The following PDXDC1 variants were observed in gnomAD, a reference collection of about 807,000 sequenced individuals.
PDXDC1 encodes pyridoxal dependent decarboxylase domain containing 1.
Under a neutral mutation model 100.1 loss-of-function variants are expected in PDXDC1, and 42 were observed. That is an observed-to-expected ratio of 0.42 (90% CI 0.33 to 0.54). PDXDC1 has a LOEUF of 0.54. Ranked by LOEUF, PDXDC1 falls within the 20% of genes least tolerant of loss-of-function variation. The probability of loss-of-function intolerance (pLI) is 0.10; values close to 1 mark genes in which losing one functional copy is unlikely to be tolerated. For missense variants in PDXDC1, 636 were observed against 979.2 expected, an observed-to-expected ratio of 0.65 and a Z score of 4.68; for synonymous variants, 260 against 371.7, an observed-to-expected ratio of 0.70 and a Z score of 3.46.
intron 1 of PDXDC1, among the ~76,000 whole-genome samples, chr16:14,987,930 A>T (rs2151227703): frequency 6.6e-6 from 1 of 151,942 alleles, no homozygotes; most frequent in African/African-American, 2.4e-5. Context: ...TTTTCTGCCA[A>T]CATTATCAAA....
chr16:15,101,983 G>C (rs997108356), intron 16 of PDXDC1, among the ~76,000 whole-genome samples: 9 of 152,090 alleles, frequency 5.9e-5, no homozygotes, highest in African/African-American at 1.9e-4. Context: ...CGAGTAGCTG[G>C]GATTACAGGT....
chr16:15,014,227 A>G (rs2041605678), intron 8 of PDXDC1, among the ~76,000 whole-genome samples: 1 of 150,650 alleles, frequency 6.6e-6, no homozygotes. Context: ...AAAAAAGACA[A>G]AATAGAAAAA....
At chr16:15,015,877 T>C in intron 8 of PDXDC1, 13 of 877,140 alleles carry the variant, frequency 1.5e-5, no homozygotes, top group South Asian at 2.1e-5. Flanking sequence ...ATCAAGTAGA[T>C]AGAAAATAAG....
chr16:14,977,358 C>T (rs1368543212), intron 1 of PDXDC1, among the ~76,000 whole-genome samples: 1 of 145,818 alleles, frequency 6.9e-6, no homozygotes, highest in Non-Finnish European at 1.5e-5. Context: ...CGGATCCCTG[C>T]AACCTCCGCC....
intron 2 of PDXDC1, 79 bp from the exon 3 acceptor site, chr16:14,998,261 T>G: frequency 1.4e-6 from 2 of 1,433,174 alleles, no homozygotes; most frequent in Non-Finnish European, 1.9e-6. Flanking sequence ...ATAGGCAACA[T>G]GGTCATGTTT....
intron 1 of PDXDC1, among the ~76,000 whole-genome samples, chr16:14,975,846 C>T (rs1385675701): frequency 6.6e-6 from 1 of 152,296 alleles, no homozygotes; most frequent in African/African-American, 2.4e-5. Context: ...GATGCTGAGC[C>T]TGCGATCACC....
intron 16 of PDXDC1, among the ~76,000 whole-genome samples, chr16:15,030,925 A>C (rs1256872323): frequency 1.3e-5 from 2 of 151,830 alleles, no homozygotes; most frequent in East Asian, 3.9e-4. Context: ...CAGAGATTCT[A>C]GAATGGAGCC....
At chr16:15,067,071 C>T (rs2045011433) in intron 16 of PDXDC1, among the ~76,000 whole-genome samples, 1 of 142,670 alleles carries the variant, frequency 7.0e-6, no homozygotes, top group Non-Finnish European at 1.6e-5. Flanking sequence ...CACCCACTCA[C>T]TGCCGTTGCT....
At chr16:15,096,860 G>C (rs1290946515) in intron 16 of PDXDC1, among the ~76,000 whole-genome samples, 1 of 152,054 alleles carries the variant, frequency 6.6e-6, no homozygotes, top group East Asian at 1.9e-4. Context: ...GTAAATACGA[G>C]GTCTCACTTT....
At chr16:15,007,157 CTTTTTTTTTTTTTTTTTTTTT>C (rs56256230) in intron 6 of PDXDC1, among the ~76,000 whole-genome samples, 3 of 73,918 alleles carry the variant, frequency 4.1e-5, no homozygotes, top group African/African-American at 1.1e-4. Context: ...AAGAGCATGA[CTTTTTTTTTTTTTTTTTTTTT>C]TTTTTTTTTT....
At chr16:15,074,591 T>A in intron 16 of PDXDC1, 1 of 580,288 alleles carries the variant, frequency 1.7e-6, no homozygotes, top group East Asian at 3.3e-5. Context: ...CCTCTTTAAA[T>A]CATCTTAAAC....
At chr16:15,079,166 G>A (rs2045592707) in intron 16 of PDXDC1, among the ~76,000 whole-genome samples, 1 of 81,682 alleles carries the variant, frequency 1.2e-5, no homozygotes, top group Non-Finnish European at 3.5e-5. Context: ...ATTCCACAGG[G>A]AGCAAAGTTG....
intron 16 of PDXDC1, among the ~76,000 whole-genome samples, chr16:15,089,258 T>C (rs1322916065): frequency 6.6e-6 from 1 of 151,882 alleles, no homozygotes; most frequent in Non-Finnish European, 1.5e-5. Flanking sequence ...CCCACTACAC[T>C]ACAGCCTAGG....
chr16:14,987,584 G>A (rs552305634), intron 1 of PDXDC1, among the ~76,000 whole-genome samples: 177 of 152,344 alleles, frequency 1.2e-3, no homozygotes, highest in African/African-American at 3.6e-3. Flanking sequence ...ACATTCTTCC[G>A]AGGAACTTGA....
intron 16 of PDXDC1, chr16:15,070,217 G>C (rs1171864443): frequency 1.4e-5 from 22 of 1,610,936 alleles, no homozygotes; most frequent in Non-Finnish European, 1.9e-5. Flanking sequence ...TATATGTGCA[G>C]CCAGTTAACC....
At chr16:14,990,545 T>G (rs1970537051) in intron 1 of PDXDC1, among the ~76,000 whole-genome samples, 1 of 152,282 alleles carries the variant, frequency 6.6e-6, no homozygotes, top group African/African-American at 2.4e-5. Flanking sequence ...ATTCATTGGT[T>G]TAGATCTTAA....
At chr16:15,097,265 A>T (rs941504442) in intron 16 of PDXDC1, among the ~76,000 whole-genome samples, 2 of 150,348 alleles carry the variant, frequency 1.3e-5, no homozygotes, top group African/African-American at 4.9e-5. Flanking sequence ...GCAAAATCTC[A>T]TCTCTTAAAA....
At chr16:15,051,438 T>C (rs2044287050) in intron 16 of PDXDC1, among the ~76,000 whole-genome samples, 1 of 152,182 alleles carries the variant, frequency 6.6e-6, no homozygotes, top group African/African-American at 2.4e-5. Context: ...CTGCAGCCTC[T>C]GGCCTCAAGC....
intron 16 of PDXDC1, among the ~76,000 whole-genome samples, chr16:15,071,784 A>G (rs1305743188): frequency 6.6e-6 from 1 of 152,120 alleles, no homozygotes; most frequent in Non-Finnish European, 1.5e-5. Flanking sequence ...CAAACAAACA[A>G]AAAACAACAA....
Sources: gnomAD v4.1 joint callset for allele counts (sites outside exome capture counted in the v4.1 genomes callset) on GRCh38, gnomAD v4.1.1 for gene constraint, MANE v1.5 for transcripts, NCBI Gene and HGNC (gene_info 2026-07-23, HGNC 2026-07-21) for gene names.